SLC6A16: variants seen among roughly 807,000 people sequenced by gnomAD.
SLC6A16 encodes the protein solute carrier family 6 member 16, also known as orphan sodium- and chloride-dependent neurotransmitter transporter NTT5.
In SLC6A16, 54 loss-of-function variants were observed where a neutral mutation model predicts 65.4. That is an observed-to-expected ratio of 0.83 (90% confidence interval 0.66 to 1.04). The LOEUF (loss-of-function observed/expected upper bound fraction) is 1.04. SLC6A16 is among the 50% of genes least tolerant of loss of function. The probability of loss-of-function intolerance (pLI) is 0.00; values close to 1 mark genes in which losing one functional copy is unlikely to be tolerated. For synonymous variants in SLC6A16, 330 were observed against 346.5 expected (o/e 0.95, Z 0.53); for missense variants, 816 against 914.0 (o/e 0.89, Z 1.38).
chr19:49,314,260 T>A lies in SLC6A16; in HGVS notation c.-64-2849A>T, dbSNP rs573721096. On this transcript the variant is annotated intron_variant, in intron 1 of 11. Transcript: ENST00000335875. ...CATCAAAATAAAGAATAGTAACAGA[T>A]GAGAACCAACAGACTAAAACAAGAA... Among the ~76,000 whole-genome samples the A allele has an allele frequency of 7.2e-5, 11 of 152,102 alleles. No individual in the cohort carries two copies. The South Asian group carries it at 2.3e-3, about 32-fold the overall frequency.
At chr19:49,307,508 G>A (rs1970414791) in intron 7 of SLC6A16, among the ~76,000 whole-genome samples, 1 of 151,886 alleles carries the variant, frequency 6.6e-6, no homozygotes, top group Non-Finnish European at 1.5e-5. Context: ...TCTTCTAGAA[G>A]AAAATGGTGG....
upstream of SLC6A16, among the ~76,000 whole-genome samples, chr19:49,329,622 CTTT>C (rs71180620): frequency 4.2e-5 from 3 of 70,726 alleles, no homozygotes; most frequent in East Asian, 4.7e-4. Context: ...AAGGCCTTGT[CTTT>C]TTTTTTTTTT....
the SLC6A16 span, chr19:49,338,300 A>C: frequency 2.4e-6 from 2 of 840,962 alleles, no homozygotes; most frequent in Non-Finnish European, 3.3e-6. The surrounding 1 kb of genome is among the most constrained non-coding windows in gnomAD (Gnocchi z 5.0). Context: ...TCAGGCCCCT[A>C]GTCCCAAGAC....
intron 7 of SLC6A16, among the ~76,000 whole-genome samples, chr19:49,301,820 A>T (rs1434906658): frequency 6.6e-6 from 1 of 151,792 alleles, no homozygotes; most frequent in Non-Finnish European, 1.5e-5. Context: ...CTAAGCCAAT[A>T]CCCCTCCTCT....
At chr19:49,331,116 G>C in the SLC6A16 span, among the ~76,000 whole-genome samples, 15 of 152,220 alleles carry the variant, frequency 9.9e-5, no homozygotes, top group African/African-American at 3.6e-4. Context: ...GTGTCAGCAC[G>C]CCACTTCCTT....
At chr19:49,305,933 G>A (rs1889418020) in intron 7 of SLC6A16, 1 of 152,138 alleles carries the variant, frequency 6.6e-6, no homozygotes, top group African/African-American at 2.4e-5. Flanking sequence ...GACTCCAAAT[G>A]TTATCAATAG....
intron 7 of SLC6A16, among the ~76,000 whole-genome samples, chr19:49,303,423 C>T (rs533998908): frequency 4.6e-5 from 7 of 152,046 alleles, no homozygotes; most frequent in South Asian, 2.1e-4. Flanking sequence ...CCAAGGCAGG[C>T]GGATCATGAG....
rs770862202 is a variant in SLC6A16, at chr19:49,299,602, G to GAAA, written c.1230-5052_1230-5050dup. On this transcript the variant is annotated intron_variant, in intron 7 of 11. Coordinates refer to ENST00000335875, the MANE Select transcript of SLC6A16 (RefSeq NM_014037.3). ...TAGTAGGCTATCTTCAATGTGCTAG[G>GAAA]AAAAAAAAAAAAAAAAGGCACTGCC... 7.3e-3 allele frequency among the ~76,000 whole-genome samples: 843 copies of GAAA among 115,288 alleles called. 15 individuals carry two copies. Among genetic ancestry groups the GAAA allele is most frequent in the African/African-American group, 0.024 (761 of 32,306 alleles). The allele number at this position is 115,288 out of a possible 152,430, so 75.6% of individuals were successfully genotyped here.
intron 7 of SLC6A16, among the ~76,000 whole-genome samples, chr19:49,300,715 C>G (rs1441571880): frequency 1.3e-5 from 2 of 152,158 alleles, no homozygotes; most frequent in Non-Finnish European, 2.9e-5. Flanking sequence ...TCCAGCCTCC[C>G]TTTCTCTATA....
rs765783129 is a variant in SLC6A16, at chr19:49,293,923, T to C, written c.1522A>G (p.Met508Val). ...ATCCCTATTGCGCTGCTCAGCCCCA[T>C]GGCCAGCAACATCAGGAAGAAGATA... ...SFIFFLMLLA[M>V]GLSSAIGIMQ... Residue 508 changes from methionine (M) to valine (V), a missense_variant, in exon 9 of 12, where the codon ATG becomes GTG. Physicochemically the swap from Met to Val is conservative, Grantham distance 21. Transcript: ENST00000335875. The C allele has an allele frequency of 3.7e-6, 6 of 1,613,886 alleles. No individual in the cohort carries two copies. The highest frequency in any genetic ancestry group is 4.2e-6 in the Non-Finnish European group (5 of 1,179,984).
chr19:49,337,569 C>T, the SLC6A16 span: 5 of 1,210,870 alleles, frequency 4.1e-6, no homozygotes, highest in African/African-American at 7.6e-5. Flanking sequence ...CTACAGTGAG[C>T]CATGCACTCA....
At chr19:49,293,662 G>A (rs1385713837) in intron 9 of SLC6A16, among the ~76,000 whole-genome samples, 165 bp downstream of exon 9, 2 of 152,128 alleles carry the variant, frequency 1.3e-5, no homozygotes, top group Non-Finnish European at 2.9e-5. Flanking sequence ...TACTGGGGAG[G>A]CTGAGGTGGG....
chr19:49,295,626 A>T (rs1970171245), intron 7 of SLC6A16, among the ~76,000 whole-genome samples: 1 of 152,258 alleles, frequency 6.6e-6, no homozygotes, highest in Non-Finnish European at 1.5e-5. Flanking sequence ...ATAAGGAATT[A>T]TCAGGCAAAC....
At position 49,294,362 on chromosome 19, in the gene SLC6A16, C is replaced by T; in HGVS notation, c.1416+5G>A. The T allele has an allele frequency of 6.2e-7, 1 of 1,613,666 alleles. No homozygotes were observed. On this transcript the variant is annotated splice_donor_5th_base_variant and intron_variant, in intron 8 of 11. Transcript: ENST00000335875. ...TAGGCTCCCCCCTCAGCTATGTTTA[C>T]TGACCTTAAGAAACTGAGTCTCTAT... is the stretch of plus-strand genomic sequence containing the variant.
At position 49,313,609 on chromosome 19, in the gene SLC6A16, A is replaced by C. The variant is rs1970564649; in HGVS notation, c.-64-2198T>G. Reference sequence around the variant, plus strand: ...AGCCTGGCCAACATGGCAAAACCCTATCTCTACTAAAAATGCAAAAAAAAA... The same window carrying C: ...AGCCTGGCCAACATGGCAAAACCCTCTCTCTACTAAAAATGCAAAAAAAAA... On this transcript the variant is annotated intron_variant, in intron 1 of 11. Transcript: ENST00000335875. 3.6e-5 allele frequency among the ~76,000 whole-genome samples: 5 copies of C among 140,172 alleles called. No homozygotes were observed. The Middle Eastern group carries it at 0.011, about 314-fold the overall frequency. 92.0% of individuals were successfully genotyped at this position (140,172 alleles called of 152,430 possible). A position where few individuals can be genotyped will look rare whatever the true frequency, so the allele number is the denominator to read the frequency against.
chr19:49,335,562 C>A, the SLC6A16 span: 1 of 1,614,050 alleles, frequency 6.2e-7, no homozygotes, highest in Non-Finnish European at 8.5e-7. The surrounding 1 kb of genome is among the most constrained non-coding windows in gnomAD (Gnocchi z 4.6). Context: ...GGAGAGCTGC[C>A]TCAGCCTCAT....
chr19:49,337,980 AC>A, the SLC6A16 span: 1 of 1,613,986 alleles, frequency 6.2e-7, no homozygotes. Context: ...TACGGCACCA[AC>A]CCCGAGGAGA....
At chr19:49,336,160 A>C in the SLC6A16 span, 2 of 273,772 alleles carry the variant, frequency 7.3e-6, no homozygotes, top group East Asian at 8.3e-5. Flanking sequence ...ATGAAGTATG[A>C]CCCTAAATAA....
At chr19:49,338,146 T>G in the SLC6A16 span, 1 of 1,474,530 alleles carries the variant, frequency 6.8e-7, no homozygotes. The surrounding 1 kb of genome is among the most constrained non-coding windows in gnomAD (Gnocchi z 5.0). Context: ...CACACCCCAA[T>G]CCCTCCCAGG....
Sources: gnomAD v4.1 joint callset for allele counts (sites outside exome capture counted in the v4.1 genomes callset) on GRCh38, gnomAD v4.1.1 for gene constraint, Gnocchi (gnomAD v3.1) non-coding constraint, MANE v1.5 for transcripts, NCBI Gene and HGNC (gene_info 2026-07-23, HGNC 2026-07-21) for gene names.